Variants in GRB10 observed in about 807,000 individuals in gnomAD.
The protein encoded by GRB10 is growth factor receptor-bound protein 10.
GRB10 carries 20 observed loss-of-function variants against 80.9 expected under a neutral mutation model. That is an observed-to-expected ratio of 0.25 (90% CI 0.17 to 0.36). The LOEUF (loss-of-function observed/expected upper bound fraction) is 0.36, where lower values mean the gene tolerates loss of function less well. Ranked by LOEUF, GRB10 falls within the 10% of genes least tolerant of loss-of-function variation. The pLI, the probability that GRB10 is intolerant of heterozygous loss-of-function variation, is 1.00. For synonymous variants in GRB10, 291 were observed against 291.5 expected (o/e 1.00, Z 0.02); for missense variants, 548 against 747.7 (o/e 0.73, Z 3.12).
chr7:50,655,951 G>A (rs892511645), intron 7 of GRB10, among the ~76,000 whole-genome samples: 1 of 152,212 alleles, frequency 6.6e-6, no homozygotes, highest in Non-Finnish European at 1.5e-5. Context: ...GTTGGAAACT[G>A]TCTGTGATAA....
intron 5 of GRB10, among the ~76,000 whole-genome samples, chr7:50,678,577 C>T (rs929365848): frequency 6.6e-6 from 1 of 152,228 alleles, no homozygotes; most frequent in African/African-American, 2.4e-5. Context: ...GTAAGCTTCA[C>T]TAAATTCTAA....
At chr7:50,770,769 T>TC (rs2076911705) in intron 2 of GRB10, among the ~76,000 whole-genome samples, 1 of 151,914 alleles carries the variant, frequency 6.6e-6, no homozygotes, top group Non-Finnish European at 1.5e-5. Context: ...CCATTTTTTT[T>TC]GTTTTTGAAA....
intron 5 of GRB10, among the ~76,000 whole-genome samples, chr7:50,675,220 G>A (rs1414012761): frequency 1.3e-5 from 2 of 152,234 alleles, no homozygotes; most frequent in Admixed American, 6.5e-5. Context: ...TGAGGGCTTC[G>A]GGTGCCCACC....
intron 4 of GRB10, among the ~76,000 whole-genome samples, chr7:50,706,935 G>A (rs1249629419): frequency 2.6e-5 from 4 of 152,192 alleles, no homozygotes; most frequent in South Asian, 2.1e-4. Context: ...ACTGAACACC[G>A]ACTTGCTTCC....
intron 6 of GRB10, among the ~76,000 whole-genome samples, chr7:50,673,789 C>T (rs2060607489): frequency 6.6e-6 from 1 of 152,190 alleles, no homozygotes; most frequent in Non-Finnish European, 1.5e-5. Context: ...AAAAGGCACA[C>T]AAAGTGCTTC....
Position 50,770,227 on chromosome 7 carries a change from C to T in GRB10, c.-217+10400G>A, listed in dbSNP as rs900760964. Among the ~76,000 whole-genome samples the T allele has an allele frequency of 8.5e-5, 13 of 152,154 alleles. No homozygotes were observed. In the East Asian group the frequency reaches 2.5e-3, roughly 29 times the overall value. The stretch of plus-strand genomic sequence containing the variant: ...CATTACCACTTCCAGGCTGCATCCA[C>T]GTTTTAACACAAAAAGGGATAAAAT... On this transcript the variant is annotated intron_variant, in intron 2 of 18. Transcript: ENST00000401949.
rs534424475 is a variant in GRB10, at chr7:50,669,626, C to T, written c.504+96G>A. 1.4e-4 allele frequency: 168 copies of T among 1,225,630 alleles called. 1 individual carries two copies. In the East Asian group the frequency reaches 1.6e-3, roughly 12 times the overall value. 75.9% of individuals were successfully genotyped at this position (1,225,630 alleles called of 1,614,324 possible). ...TGAGAGAGAAGATCCCAGGACTTCC[C>T]GCCCTTCTTCCCAAAGTAATAATCT... On this transcript the variant is annotated intron_variant, in intron 7 of 18. Coordinates refer to ENST00000401949, the MANE Select transcript of GRB10 (RefSeq NM_001350814.2).
At chr7:50,766,819 C>T (rs940733398) in intron 2 of GRB10, among the ~76,000 whole-genome samples, 2 of 152,220 alleles carry the variant, frequency 1.3e-5, no homozygotes, top group Admixed American at 6.5e-5. Flanking sequence ...TTCTCTATAT[C>T]ATTAGTACAT....
chr7:50,606,655 CCTA>C (rs2048587630), intron 13 of GRB10: 2 of 549,276 alleles, frequency 3.6e-6, no homozygotes, highest in Admixed American at 3.1e-5. Context: ...CTACTAGTGG[CCTA>C]CTGTTGACCA....
chr7:50,723,177 AAAGAG>A (rs1188385864), intron 4 of GRB10, among the ~76,000 whole-genome samples: 11 of 152,218 alleles, frequency 7.2e-5, no homozygotes, highest in Non-Finnish European at 1.0e-4. Context: ...TTCTTTAAAA[AAAGAG>A]AAAAGTTGCA....
At chr7:50,672,137 A>C (rs1176946896) in intron 6 of GRB10, among the ~76,000 whole-genome samples, 3 of 152,122 alleles carry the variant, frequency 2.0e-5, no homozygotes. Flanking sequence ...GCCCTTCCCA[A>C]GTGTCTCCTC....
chr7:50,622,836 G>A (rs1420851689), intron 8 of GRB10, among the ~76,000 whole-genome samples: 5 of 151,382 alleles, frequency 3.3e-5, no homozygotes, highest in African/African-American at 4.8e-5. Context: ...CTGTCAAGCA[G>A]CTGGAGTGCA....
chr7:50,711,121 C>A, intron 4 of GRB10: 2 of 564,534 alleles, frequency 3.5e-6, no homozygotes, highest in Non-Finnish European at 6.4e-6. Flanking sequence ...AACCTACAGG[C>A]TTAACAGGGA....
At chr7:50,705,441 T>A in intron 4 of GRB10, 1 of 264,572 alleles carries the variant, frequency 3.8e-6, no homozygotes, top group Non-Finnish European at 5.9e-6. Context: ...ATCGCAGATG[T>A]AAAACTTGCT....
At chr7:50,709,556 TC>T (rs1243301436) in intron 4 of GRB10, among the ~76,000 whole-genome samples, 2 of 60,958 alleles carry the variant, frequency 3.3e-5, no homozygotes, top group Non-Finnish European at 9.2e-5. Flanking sequence ...TCCATTAAAC[TC>T]TTTTTTTTTG....
At chr7:50,689,997 A>G (rs924779699) in intron 5 of GRB10, among the ~76,000 whole-genome samples, 1 of 132,006 alleles carries the variant, frequency 7.6e-6, no homozygotes, top group Non-Finnish European at 1.5e-5. Flanking sequence ...GTTAAAAAGG[A>G]AAAAAAAAAA....
intron 5 of GRB10, among the ~76,000 whole-genome samples, chr7:50,681,545 T>C (rs1434999472): frequency 6.6e-6 from 1 of 152,242 alleles, no homozygotes; most frequent in Non-Finnish European, 1.5e-5. Flanking sequence ...GCTAAAATCA[T>C]ATCTCCCTTG....
intron 7 of GRB10, among the ~76,000 whole-genome samples, chr7:50,635,929 A>C (rs1586085411): frequency 1.6e-5 from 2 of 127,818 alleles, no homozygotes; most frequent in Admixed American, 7.6e-5. Flanking sequence ...CCAGGACCAG[A>C]TGGATCCACA....
intron 3 of GRB10, among the ~76,000 whole-genome samples, chr7:50,745,859 A>G (rs961007207): frequency 1.3e-5 from 2 of 152,226 alleles, no homozygotes; most frequent in Non-Finnish European, 2.9e-5. Flanking sequence ...TCTAAACGCT[A>G]AAGTAGTTAA....
Sources: gnomAD v4.1 joint callset for allele counts (sites outside exome capture counted in the v4.1 genomes callset) on GRCh38, gnomAD v4.1.1 for gene constraint, MANE v1.5 for transcripts, NCBI Gene and HGNC (gene_info 2026-07-23, HGNC 2026-07-21) for gene names.